Variants in DLG2 observed in about 807,000 individuals in gnomAD.
DLG2 encodes discs large MAGUK scaffold protein 2.
DLG2 carries 45 observed loss-of-function variants against 132.5 expected under a neutral mutation model. The ratio of observed to expected loss-of-function variants is 0.34; its 90% CI spans 0.27 to 0.44. The LOEUF (loss-of-function observed/expected upper bound fraction) is 0.44, where lower values mean the gene tolerates loss of function less well. Ranked by LOEUF, DLG2 falls within the 20% of genes least tolerant of loss-of-function variation. DLG2 has a pLI of 1.00. For missense variants in DLG2, 1,045 were observed against 1,196.9 expected (o/e 0.87, Z 1.87); for synonymous variants, 424 against 419.6 (o/e 1.01, Z -0.13).
At chr11:84,221,380 C>T (rs1171107381) in intron 8 of DLG2, among the ~76,000 whole-genome samples, 1 of 152,024 alleles carries the variant, frequency 6.6e-6, no homozygotes, top group African/African-American at 2.4e-5. Context: ...AGGAGAATCG[C>T]TTGAACCTAG....
chr11:85,249,803 T>C (rs2076311078), intron 4 of DLG2, among the ~76,000 whole-genome samples: 1 of 152,182 alleles, frequency 6.6e-6, no homozygotes, highest in Non-Finnish European at 1.5e-5. Context: ...TAGATTACCT[T>C]TGCAGTAGTC....
At chr11:85,262,706 T>C (rs115256284) in intron 4 of DLG2, among the ~76,000 whole-genome samples, 2,089 of 152,274 alleles carry the variant, frequency 0.014, 50 homozygotes, top group African/African-American at 0.048. Context: ...GCTTAGAAGG[T>C]ACATAAGATC....
intron 14 of DLG2, among the ~76,000 whole-genome samples, chr11:83,950,593 C>T (rs1232274276): frequency 6.6e-6 from 1 of 152,126 alleles, no homozygotes; most frequent in Admixed American, 6.5e-5. Context: ...AACCCTGTCT[C>T]AAAAAACAAA....
intron 4 of DLG2, among the ~76,000 whole-genome samples, chr11:85,207,798 C>T (rs1274754255): frequency 6.6e-6 from 1 of 151,990 alleles, no homozygotes; most frequent in African/African-American, 2.4e-5. Context: ...TGTGTGCAGA[C>T]TGTTTCACCC....
chr11:83,884,637 G>A (rs1743117975), intron 15 of DLG2, among the ~76,000 whole-genome samples: 3 of 152,218 alleles, frequency 2.0e-5, no homozygotes, highest in Admixed American at 2.0e-4. Flanking sequence ...CGGGCAGACT[G>A]CCTCCTCAAG....
intron 16 of DLG2, among the ~76,000 whole-genome samples, chr11:83,866,911 T>G (rs7937832): frequency 0.31 from 47,153 of 151,974 alleles, 8,158 homozygotes; most frequent in African/African-American, 0.44. Flanking sequence ...ACTTCCCGGC[T>G]TCTTCCTAGT....
chr11:85,412,760 C>CACATATATATATATATATAT (rs756868795), intron 3 of DLG2, among the ~76,000 whole-genome samples: 2 of 113,278 alleles, frequency 1.8e-5, no homozygotes, highest in Admixed American at 9.2e-5. Flanking sequence ...CACACACACA[C>CACATATATATATATATATAT]ATATATATAT....
At chr11:84,034,754 C>A (rs1000018257) in intron 11 of DLG2, among the ~76,000 whole-genome samples, 1 of 152,120 alleles carries the variant, frequency 6.6e-6, no homozygotes, top group African/African-American at 2.4e-5. Flanking sequence ...GGGACTGCTG[C>A]CCTCTGTAAA....
chr11:84,144,192 T>C (rs997513107), intron 9 of DLG2, among the ~76,000 whole-genome samples: 2 of 152,182 alleles, frequency 1.3e-5, no homozygotes, highest in African/African-American at 2.4e-5. Flanking sequence ...ACTGTATTCA[T>C]AGCTTTCTGT....
intron 3 of DLG2, among the ~76,000 whole-genome samples, chr11:85,564,597 A>G (rs1272237275): frequency 6.6e-6 from 1 of 151,870 alleles, no homozygotes; most frequent in African/African-American, 2.4e-5. Flanking sequence ...TGGTCTCTCT[A>G]CTCTGTTCCA....
At chr11:84,406,658 G>C (rs556242624) in intron 7 of DLG2, among the ~76,000 whole-genome samples, 2 of 152,286 alleles carry the variant, frequency 1.3e-5, no homozygotes, top group East Asian at 3.9e-4. Context: ...TTTTAAGGCT[G>C]TTCAAAGAAT....
In DLG2 at chr11:85,354,911, G is replaced by A. The variant is rs185016352; in HGVS notation, c.41-69546C>T. The stretch of plus-strand genomic sequence containing the variant: ...AAAGATAATTAACTCTTGTCTCTTC[G>A]TTTCATAAATTAAAAAAAAAACAGA... On this transcript the variant is annotated intron_variant, in intron 3 of 27. Coordinates refer to ENST00000376104, the MANE Select transcript of DLG2 (RefSeq NM_001142699.3). Among the ~76,000 whole-genome samples the A allele has an allele frequency of 3.3e-5, 5 of 150,958 alleles. No homozygotes were observed. In the East Asian group the frequency reaches 5.8e-4, roughly 18 times the overall value.
At chr11:83,822,224 A>G (rs2051029688) in intron 17 of DLG2, among the ~76,000 whole-genome samples, 1 of 152,142 alleles carries the variant, frequency 6.6e-6, no homozygotes, top group African/African-American at 2.4e-5. Context: ...GAAGCACACA[A>G]TATGTCTCTC....
At chr11:85,519,345 T>C (rs1028094812) in intron 3 of DLG2, among the ~76,000 whole-genome samples, 1 of 152,218 alleles carries the variant, frequency 6.6e-6, no homozygotes, top group African/African-American at 2.4e-5. Context: ...CCCTTCTTGC[T>C]TCAGAGTGAC....
intron 6 of DLG2, among the ~76,000 whole-genome samples, chr11:84,714,559 TTCTC>T (rs1193342908): frequency 1.6e-4 from 9 of 56,344 alleles, no homozygotes; most frequent in Non-Finnish European, 2.6e-4. Context: ...TTCTCTCTCT[TTCTC>T]TTTCTCTTTC....
chr11:84,376,375 G>A (rs993326448), intron 7 of DLG2, among the ~76,000 whole-genome samples: 3 of 151,778 alleles, frequency 2.0e-5, no homozygotes, highest in African/African-American at 7.2e-5. Context: ...ATAAATTTTA[G>A]GAAAATCATT....
At chr11:83,748,113 T>C (rs945742430) in intron 18 of DLG2, among the ~76,000 whole-genome samples, 1 of 152,222 alleles carries the variant, frequency 6.6e-6, no homozygotes, top group Admixed American at 6.5e-5. Flanking sequence ...TTTAGATAGA[T>C]TCTGTATGTA....
chr11:85,110,090 T>C (rs552079781), intron 6 of DLG2, among the ~76,000 whole-genome samples: 15 of 152,186 alleles, frequency 9.9e-5, no homozygotes, highest in Non-Finnish European at 1.5e-5. Context: ...ATTGTCTCCA[T>C]GGAGAAACAG....
intron 8 of DLG2, among the ~76,000 whole-genome samples, chr11:84,225,381 G>T (rs916569111): frequency 2.0e-5 from 3 of 152,192 alleles, no homozygotes; most frequent in African/African-American, 7.2e-5. Context: ...GTTCAGGGAA[G>T]TTGGTCACAG....
Sources: allele counts gnomAD v4.1 joint callset (sites outside exome capture counted in the v4.1 genomes callset), GRCh38; gene constraint gnomAD v4.1.1; transcripts MANE v1.5; gene names NCBI Gene and HGNC (gene_info 2026-07-23, HGNC 2026-07-21).